Variants in KANSL1L observed in about 807,000 individuals in gnomAD.
KANSL1L encodes the protein KAT8 regulatory NSL complex subunit 1 like.
Under a neutral mutation model 108.6 loss-of-function variants are expected in KANSL1L, and 25 were observed. The ratio of observed to expected loss-of-function variants is 0.23; its 90% confidence interval spans 0.17 to 0.32. The LOEUF is 0.32. KANSL1L is among the 10% of genes least tolerant of loss of function. The pLI is 1.00. For synonymous variants in KANSL1L, 405 were observed against 395.1 expected (o/e 1.03, Z -0.30); for missense variants, 1,137 against 1,125.7 (o/e 1.01, Z -0.14).
At position 210,031,450 on chromosome 2, in the gene KANSL1L, T is replaced by C. The variant is rs780373679; in HGVS notation, c.2126A>G (p.Lys709Arg). 1.2e-6 allele frequency: 2 copies of C among 1,601,678 alleles called. No homozygotes were observed. Among genetic ancestry groups the C allele is most frequent in the Non-Finnish European group, 8.5e-7 (1 of 1,170,186 alleles). ...TGCTGTTTCACTCAAATGTCTTTTC[T>C]TTCTTCCCTGTAACAGTTGTGCAGA... is the stretch of plus-strand genomic sequence containing the variant. ...ESSAQLLQGR[K>R]KRHLSETALG... Residue 709 changes from lysine to arginine, a missense_variant, in exon 9 of 15, where the codon AAG becomes AGG. By Grantham distance (26) the Lys-to-Arg change is conservative (BLOSUM62 2). Coordinates refer to ENST00000281772, the MANE Select transcript of KANSL1L (RefSeq NM_152519.4).
chr2:210,077,697 C>G (rs1487797527), intron 5 of KANSL1L, among the ~76,000 whole-genome samples: 1 of 152,112 alleles, frequency 6.6e-6, no homozygotes, highest in Non-Finnish European at 1.5e-5. Flanking sequence ...AAGGATGTGT[C>G]TAGGGAAAAT....
At chr2:210,059,227 C>CA (rs1403864058) in intron 6 of KANSL1L, among the ~76,000 whole-genome samples, 2 of 152,000 alleles carry the variant, frequency 1.3e-5, no homozygotes, top group African/African-American at 2.4e-5. Flanking sequence ...CCTGAGGTGC[C>CA]ATGGAAGGAA....
Position 210,044,255 on chromosome 2 carries a change from ATATT to A in KANSL1L, c.1756-155_1756-152del, listed in dbSNP as rs964513072. On this transcript the variant is annotated intron_variant, in intron 6 of 14. Coordinates refer to ENST00000281772, the MANE Select transcript of KANSL1L (RefSeq NM_152519.4). The surrounding 1 kb of genome is among the most constrained non-coding windows in gnomAD (Gnocchi z 4.2). The stretch of plus-strand genomic sequence containing the variant: ...CTAGATGTTTTCCCAATTAACTTTA[ATATT>A]TATTAATTCAATCATAAAAGGGATG... 4.3e-6 allele frequency: 2 copies of A among 470,374 alleles called. No individual in the cohort carries two copies. Among genetic ancestry groups the A allele is most frequent in the South Asian group, 1.1e-4 (2 of 18,322 alleles). 29.1% of individuals were successfully genotyped at this position (470,374 alleles called of 1,614,324 possible). A position where few individuals can be genotyped will look rare whatever the true frequency, so the allele number is the denominator to read the frequency against.
chr2:210,027,402 C>CAAT (rs1214545957), intron 11 of KANSL1L, 52 bp from the exon 12 acceptor site: 8 of 1,197,162 alleles, frequency 6.7e-6, no homozygotes, highest in Non-Finnish European at 1.0e-5. Context: ...TTAAATGTGG[C>CAAT]AATTTTATAC....
chr2:210,048,659 G>A (rs1004621351), intron 6 of KANSL1L, among the ~76,000 whole-genome samples: 6 of 151,724 alleles, frequency 4.0e-5, no homozygotes, highest in Non-Finnish European at 8.8e-5. Context: ...TAATACATAC[G>A]TGTATGGTTT....
chr2:210,151,060 G>C (rs892912815), intron 2 of KANSL1L, among the ~76,000 whole-genome samples: 3 of 152,094 alleles, frequency 2.0e-5, no homozygotes, highest in African/African-American at 7.2e-5. Flanking sequence ...CCGTCACACA[G>C]ACTGGAGTGC....
chr2:210,117,982 G>A (rs2094971688), intron 3 of KANSL1L, among the ~76,000 whole-genome samples: 1 of 151,900 alleles, frequency 6.6e-6, no homozygotes, highest in South Asian at 2.1e-4. Context: ...TGACCAACAT[G>A]GAGAAACCCC....
intron 3 of KANSL1L, among the ~76,000 whole-genome samples, chr2:210,109,609 G>A (rs1391907667): frequency 6.6e-6 from 1 of 152,056 alleles, no homozygotes; most frequent in Non-Finnish European, 1.5e-5. Context: ...AAGAATATAT[G>A]TCAGCTATTG....
chr2:210,077,794 C>T (rs2125332666), intron 5 of KANSL1L, among the ~76,000 whole-genome samples: 1 of 152,258 alleles, frequency 6.6e-6, no homozygotes, highest in East Asian at 1.9e-4. Context: ...GTTAGCTTTC[C>T]CCTCCCCATG....
intron 3 of KANSL1L, among the ~76,000 whole-genome samples, chr2:210,113,790 A>G (rs1472071215): frequency 6.6e-6 from 1 of 152,206 alleles, no homozygotes; most frequent in African/African-American, 2.4e-5. Flanking sequence ...AATAACTGAA[A>G]TGAAAAATTC....
intron 5 of KANSL1L, among the ~76,000 whole-genome samples, chr2:210,081,405 G>C (rs1238664439): frequency 2.6e-5 from 4 of 152,170 alleles, no homozygotes; most frequent in Non-Finnish European, 5.9e-5. Context: ...TCCAAAGTCA[G>C]TTCCTTGGGG....
chr2:210,162,591 G>C (rs1173260631), intron 1 of KANSL1L, among the ~76,000 whole-genome samples: 2 of 151,982 alleles, frequency 1.3e-5, no homozygotes. Context: ...CATATAAATA[G>C]TATTTACCCT....
intron 8 of KANSL1L, among the ~76,000 whole-genome samples, chr2:210,034,075 T>A (rs950285484): frequency 6.6e-6 from 1 of 152,192 alleles, no homozygotes; most frequent in African/African-American, 2.4e-5. Flanking sequence ...ATTTCTCATA[T>A]ATCCTGTCTT....
chr2:210,100,674 T>C (rs1370875956), intron 4 of KANSL1L, among the ~76,000 whole-genome samples: 7 of 152,200 alleles, frequency 4.6e-5, no homozygotes, highest in Non-Finnish European at 1.0e-4. Context: ...TGTCTCGTTC[T>C]GTCATCCAGG....
chr2:210,103,239 T>C (rs1196265745), intron 4 of KANSL1L, among the ~76,000 whole-genome samples: 2 of 151,996 alleles, frequency 1.3e-5, no homozygotes, highest in East Asian at 3.9e-4. Flanking sequence ...ACACCGCATA[T>C]TCTCACTCAT....
At chr2:210,095,243 C>G (rs1011559842) in intron 5 of KANSL1L, among the ~76,000 whole-genome samples, 8 of 152,024 alleles carry the variant, frequency 5.3e-5, no homozygotes, top group African/African-American at 1.9e-4. Context: ...ATCTTAAAAA[C>G]AAAATATTTT....
intron 1 of KANSL1L, among the ~76,000 whole-genome samples, chr2:210,166,806 G>T (rs558205178): frequency 6.4e-4 from 98 of 152,142 alleles, no homozygotes; most frequent in Non-Finnish European, 3.2e-4. Flanking sequence ...GAACCCTGAA[G>T]TAGGGTCAAA....
chr2:210,081,421 T>G (rs771631530), intron 5 of KANSL1L, among the ~76,000 whole-genome samples: 1 of 152,240 alleles, frequency 6.6e-6, no homozygotes, highest in Non-Finnish European at 1.5e-5. Flanking sequence ...TGGGGAAGTT[T>G]TCTAGCTCCT....
At chr2:210,031,837 T>C (rs2094021514) in intron 8 of KANSL1L, among the ~76,000 whole-genome samples, 1 of 152,138 alleles carries the variant, frequency 6.6e-6, no homozygotes, top group Non-Finnish European at 1.5e-5. Flanking sequence ...ATATAAATCT[T>C]GGCGATCAGA....
Sources: gnomAD v4.1 joint callset for allele counts (sites outside exome capture counted in the v4.1 genomes callset) on GRCh38, gnomAD v4.1.1 for gene constraint, Gnocchi (gnomAD v3.1) non-coding constraint, MANE v1.5 for transcripts, NCBI Gene and HGNC (gene_info 2026-07-23, HGNC 2026-07-21) for gene names.